Variants in MBNL1 observed in about 807,000 individuals in gnomAD.
MBNL1 encodes muscleblind-like protein 1.
A neutral mutation model predicts 42.2 loss-of-function variants in MBNL1; 8 were observed. That is an observed-to-expected ratio of 0.19 (90% CI 0.11 to 0.34). The LOEUF (loss-of-function observed/expected upper bound fraction) is 0.34, where lower values mean the gene tolerates loss of function less well. Among genes scored for constraint, MBNL1 ranks in the 10% least tolerant of loss-of-function variants. The probability of loss-of-function intolerance (pLI) is 1.00; values close to 1 mark genes in which losing one functional copy is unlikely to be tolerated. For missense variants in MBNL1, 309 were observed against 495.3 expected (o/e 0.62, Z 3.57); for synonymous variants, 169 against 173.9 (o/e 0.97, Z 0.22).
chr3:152,394,291 A>G (rs73872403), intron 2 of MBNL1, among the ~76,000 whole-genome samples: 215 of 152,328 alleles, frequency 1.4e-3, no homozygotes, highest in African/African-American at 5.1e-3. Context: ...CTGTCTGACT[A>G]TTTATATACA....
At chr3:152,272,232 C>T (rs1298106290) in intron 1 of MBNL1, among the ~76,000 whole-genome samples, 10 of 152,022 alleles carry the variant, frequency 6.6e-5, no homozygotes, top group South Asian at 4.2e-4. Context: ...ATAGAAATAC[C>T]TCGTCTTTCT....
rs1333067573 is a variant in MBNL1 at position 152,340,759 on chromosome 3, G to T, written c.174+40392G>T. ...TGATGGCTGAGAAGCATCCAGGCCT[G>T]CTAACTCACTGAAGAAGAATCCAGC... On this transcript the variant is annotated intron_variant, in intron 2 of 9. Transcript: ENST00000324210. 3.7e-6 allele frequency: 6 copies of T among 1,613,940 alleles called. No homozygotes were observed. In the Admixed American group the frequency reaches 8.3e-5, roughly 22 times the overall value.
At chr3:152,389,980 A>G (rs1579319160) in intron 2 of MBNL1, among the ~76,000 whole-genome samples, 1 of 151,934 alleles carries the variant, frequency 6.6e-6, no homozygotes, top group Non-Finnish European at 1.5e-5. Context: ...GGTTCAAGAA[A>G]TTCTCCTGCC....
chr3:152,369,016 C>T (rs940752219), intron 2 of MBNL1, among the ~76,000 whole-genome samples: 23 of 152,096 alleles, frequency 1.5e-4, no homozygotes, highest in East Asian at 5.8e-4. Context: ...TTCTCTTGCC[C>T]GATTGCCCTG....
intron 2 of MBNL1, among the ~76,000 whole-genome samples, chr3:152,359,471 G>C (rs2153101772): frequency 6.6e-6 from 1 of 152,282 alleles, no homozygotes; most frequent in South Asian, 2.1e-4. Flanking sequence ...AGGAGACACT[G>C]ATTTGTCAGG....
chr3:152,274,789 A>G (rs751148859), intron 1 of MBNL1, among the ~76,000 whole-genome samples: 3 of 152,082 alleles, frequency 2.0e-5, no homozygotes, highest in Non-Finnish European at 4.4e-5. Context: ...AGATTTTGTC[A>G]TTAGTTTTAC....
intron 1 of MBNL1, among the ~76,000 whole-genome samples, chr3:152,285,904 A>G (rs1008099976): frequency 6.6e-6 from 1 of 151,104 alleles, no homozygotes; most frequent in Non-Finnish European, 1.5e-5. Context: ...GATTATAGGT[A>G]TGAGCCACTG....
At chr3:152,270,464 A>G (rs950569052) in intron 1 of MBNL1, among the ~76,000 whole-genome samples, 6 of 152,190 alleles carry the variant, frequency 3.9e-5, no homozygotes, top group African/African-American at 1.4e-4. Flanking sequence ...CTATACCAGC[A>G]CAAGAGAGCC....
At chr3:152,340,769 T>C in intron 2 of MBNL1, 2 of 1,614,066 alleles carry the variant, frequency 1.2e-6, no homozygotes, top group Non-Finnish European at 1.7e-6. Flanking sequence ...GCTAACTCAC[T>C]GAAGAAGAAT....
rs149655150 is a variant in MBNL1 at position 152,304,572 on chromosome 3, A to G, written c.174+4205A>G. Among the ~76,000 whole-genome samples, 530 of 152,322 alleles carry G rather than the reference A, an allele frequency of 3.5e-3. 5 individuals carry two copies. The highest frequency in any genetic ancestry group is 0.012 in the African/African-American group (498 of 41,564). ...TTAAAACTTTGACAGATTATTATATATACTGTGCTGGCACATATATTCAAT... is the reference window on the plus strand; with the variant it reads ...TTAAAACTTTGACAGATTATTATATGTACTGTGCTGGCACATATATTCAAT... On this transcript the variant is annotated intron_variant, in intron 2 of 9. Coordinates refer to ENST00000324210, the MANE Select transcript of MBNL1 (RefSeq NM_021038.5).
chr3:152,303,130 T>G (rs1436232423), intron 2 of MBNL1, among the ~76,000 whole-genome samples: 1 of 152,172 alleles, frequency 6.6e-6, no homozygotes, highest in Non-Finnish European at 1.5e-5. Context: ...CTCACTATTT[T>G]AGTTGCATAC....
At chr3:152,341,595 C>A (rs2093239421) in intron 2 of MBNL1, among the ~76,000 whole-genome samples, 1 of 152,112 alleles carries the variant, frequency 6.6e-6, no homozygotes. Flanking sequence ...CCCTTCTGTT[C>A]TGTTCTGTTT....
chr3:152,308,285 G>C lies in MBNL1; in HGVS notation c.174+7918G>C, dbSNP rs372070352. On this transcript the variant is annotated intron_variant, in intron 2 of 9. Coordinates refer to ENST00000324210, the MANE Select transcript of MBNL1 (RefSeq NM_021038.5). The stretch of plus-strand genomic sequence containing the variant: ...AGAACTCCTAGAGTCACAGACCCCA[G>C]CTGCTTTTGTCAAACTATTTCTGTG... 1.6e-4 allele frequency among the ~76,000 whole-genome samples: 25 copies of C among 152,304 alleles called. No individual in the cohort carries two copies. In the South Asian group the frequency reaches 4.8e-3, roughly 29 times the overall value.
chr3:152,360,698 GA>G (rs572897867), intron 2 of MBNL1, among the ~76,000 whole-genome samples: 1 of 150,678 alleles, frequency 6.6e-6, no homozygotes, highest in Non-Finnish European at 1.5e-5. Context: ...CTTTTATTTT[GA>G]AAAAAAATTA....
intron 2 of MBNL1, chr3:152,300,799 C>T (rs975401886): frequency 3.0e-5 from 8 of 263,242 alleles, no homozygotes; most frequent in Non-Finnish European, 4.7e-5. Context: ...TTAAAATCAG[C>T]TAAACTTGGA....
At chr3:152,311,094 C>T (rs935669469) in intron 2 of MBNL1, among the ~76,000 whole-genome samples, 42 of 149,364 alleles carry the variant, frequency 2.8e-4, no homozygotes, top group Admixed American at 2.6e-3. Flanking sequence ...CTGCAACCTC[C>T]GCCTCCTGGG....
At position 152,445,471 on chromosome 3, in the gene MBNL1, A is replaced by G. The variant is rs1313784918; in HGVS notation, c.739A>G (p.Ile247Val). Residue 247 changes from isoleucine to valine, a missense_variant, in exon 5 of 10, where the codon ATC (isoleucine) becomes GTC (valine). By Grantham distance (29) the Ile-to-Val change is conservative. Transcript: ENST00000324210. ...FHPPAHLQAK[I>V]KAAQYQVNQA... is the part of the protein sequence containing the mutation. ...TCCCCCTGCACATTTGCAAGCCAAG[A>G]TCAAGGCTGCCCAATACCAGGTCAA... is the stretch of plus-strand genomic sequence containing the variant. 6.2e-7 allele frequency: 1 copy of G among 1,614,076 alleles called. No homozygotes were observed. Among genetic ancestry groups the G allele is most frequent in the Non-Finnish European group, 8.5e-7 (1 of 1,179,962 alleles).
chr3:152,420,826 T>TTTAGG (rs2098792885), intron 3 of MBNL1, among the ~76,000 whole-genome samples: 1 of 150,878 alleles, frequency 6.6e-6, no homozygotes, highest in Admixed American at 6.6e-5. Context: ...TCCTCTGAGC[T>TTTAGG]AAAGGAACAT....
chr3:152,433,813 T>G (rs2099041876), intron 4 of MBNL1, among the ~76,000 whole-genome samples: 2 of 151,852 alleles, frequency 1.3e-5, no homozygotes, highest in African/African-American at 4.8e-5. Context: ...GATGATCAGA[T>G]GTGTGGGCTC....
Sources: gnomAD v4.1 joint callset for allele counts (sites outside exome capture counted in the v4.1 genomes callset) on GRCh38, gnomAD v4.1.1 for gene constraint, MANE v1.5 for transcripts, NCBI Gene and HGNC (gene_info 2026-07-23, HGNC 2026-07-21) for gene names.